Variants in CIRSR observed in about 807,000 individuals in gnomAD.
The protein encoded by CIRSR is corepressor of RBPJ and splicing regulator, also known as CBF1 (RBPJ) interacting corepressor 1.
At chr2:174,370,087 C>T in the CIRSR span, 87 of 1,334,516 alleles carry the variant, frequency 6.5e-5, no homozygotes, top group African/African-American at 1.2e-3. Flanking sequence ...CTGGTTCATC[C>T]ACTATCACTG....
the CIRSR span, among the ~76,000 whole-genome samples, chr2:174,370,696 C>T: frequency 6.6e-6 from 1 of 152,172 alleles, no homozygotes; most frequent in South Asian, 2.1e-4. Context: ...GGGCGGATCA[C>T]GAGGTCAGGA....
chr2:174,369,986 C>T, the CIRSR span: 1 of 1,365,190 alleles, frequency 7.3e-7, no homozygotes, highest in Non-Finnish European at 9.8e-7. Context: ...CACAGGCTTA[C>T]CAGAAACCTT....
chr2:174,381,682 A>G, the CIRSR span: 1 of 1,560,602 alleles, frequency 6.4e-7, no homozygotes, highest in Non-Finnish European at 8.6e-7. Flanking sequence ...AAAGAAAAAA[A>G]GAAACGGAAG....
the CIRSR span, among the ~76,000 whole-genome samples, chr2:174,374,718 T>C: frequency 6.6e-6 from 1 of 152,250 alleles, no homozygotes; most frequent in Non-Finnish European, 1.5e-5. Flanking sequence ...GTCTGTGTGC[T>C]TAACCGCTAA....
chr2:174,381,349 A>G, the CIRSR span, among the ~76,000 whole-genome samples: 1 of 152,164 alleles, frequency 6.6e-6, no homozygotes, highest in East Asian at 1.9e-4. Flanking sequence ...CAAACACATC[A>G]AAGACTTAAA....
the CIRSR span, chr2:174,380,615 A>G: frequency 7.0e-6 from 11 of 1,566,164 alleles, no homozygotes; most frequent in Non-Finnish European, 9.6e-6. Context: ...AAACTTAATG[A>G]TACATATCTT....
chr2:174,375,484 T>C, the CIRSR span, among the ~76,000 whole-genome samples: 2 of 152,094 alleles, frequency 1.3e-5, no homozygotes, highest in African/African-American at 4.8e-5. Context: ...GGCTTATGCC[T>C]GTGAGTCCCA....
chr2:174,359,189 T>C, the CIRSR span, among the ~76,000 whole-genome samples: 1 of 152,066 alleles, frequency 6.6e-6, no homozygotes, highest in African/African-American at 2.4e-5. Context: ...AAAATGGTTG[T>C]GGGAGGAGAA....
chr2:174,368,625 A>G, the CIRSR span, among the ~76,000 whole-genome samples: 1 of 152,208 alleles, frequency 6.6e-6, no homozygotes, highest in Non-Finnish European at 1.5e-5. Context: ...TTGAAGCTGC[A>G]GTGAGCTATG....
At chr2:174,371,050 A>G in the CIRSR span, among the ~76,000 whole-genome samples, 1 of 152,184 alleles carries the variant, frequency 6.6e-6, no homozygotes, top group Non-Finnish European at 1.5e-5. Flanking sequence ...CACTCATATT[A>G]TATGATTCTA....
chr2:174,376,774 G>T, the CIRSR span, among the ~76,000 whole-genome samples: 3 of 141,622 alleles, frequency 2.1e-5, no homozygotes, highest in Middle Eastern at 4.3e-3. Flanking sequence ...CTCCAGCCTG[G>T]GTGGCAAAGC....
the CIRSR span, among the ~76,000 whole-genome samples, chr2:174,355,312 C>T: frequency 6.6e-6 from 1 of 152,126 alleles, no homozygotes; most frequent in African/African-American, 2.4e-5. Flanking sequence ...GGAGTTGGAT[C>T]TTAAAAATTG....
the CIRSR span, among the ~76,000 whole-genome samples, chr2:174,354,979 A>G: frequency 6.6e-6 from 1 of 151,296 alleles, no homozygotes. Context: ...ACTTTTCACA[A>G]TGCAGTCTTA....
the CIRSR span, among the ~76,000 whole-genome samples, chr2:174,354,267 G>C: frequency 7.4e-5 from 11 of 148,540 alleles, no homozygotes; most frequent in African/African-American, 2.7e-4. Context: ...TGAAGTGCTC[G>C]ACAAATAGTA....
chr2:174,362,686 CAAAAAAAAAAA>C, the CIRSR span, among the ~76,000 whole-genome samples: 5 of 20,652 alleles, frequency 2.4e-4, no homozygotes, highest in Admixed American at 8.1e-4. Context: ...GACTCTGCCT[CAAAAAAAAAAA>C]AAAAAAAAAA....
the CIRSR span, among the ~76,000 whole-genome samples, chr2:174,363,632 G>A: frequency 2.0e-5 from 3 of 152,182 alleles, no homozygotes; most frequent in East Asian, 1.9e-4. Context: ...ATAGTTCCAC[G>A]TGGCTGGGGA....
chr2:174,395,664 G>A, the CIRSR span: 33 of 1,614,072 alleles, frequency 2.0e-5, no homozygotes, highest in African/African-American at 3.7e-4. Context: ...AGATCTGTTA[G>A]CAACGTAAAC....
the CIRSR span, among the ~76,000 whole-genome samples, chr2:174,384,031 T>C: frequency 6.6e-6 from 1 of 152,150 alleles, no homozygotes; most frequent in African/African-American, 2.4e-5. Flanking sequence ...CCTAGGTATA[T>C]ACCCAAAGGA....
chr2:174,361,064 C>A, the CIRSR span, among the ~76,000 whole-genome samples: 2 of 152,076 alleles, frequency 1.3e-5, no homozygotes, highest in South Asian at 4.2e-4. Flanking sequence ...CAACTATAAT[C>A]AAGTACAATC....
Sources: gnomAD v4.1 joint callset for allele counts (sites outside exome capture counted in the v4.1 genomes callset) on GRCh38, gnomAD v4.1.1 for gene constraint, MANE v1.5 for transcripts, NCBI Gene and HGNC (gene_info 2026-07-23, HGNC 2026-07-21) for gene names.